Variants in LIMS1 observed in about 807,000 individuals in gnomAD.
LIMS1 encodes LIM zinc finger domain containing 1.
A neutral mutation model predicts 44.1 loss-of-function variants in LIMS1; 18 were observed. The ratio of observed to expected loss-of-function variants is 0.41; its 90% CI spans 0.28 to 0.61. The LOEUF (loss-of-function observed/expected upper bound fraction) is 0.61, where lower values mean the gene tolerates loss of function less well. LIMS1 is among the 20% of genes least tolerant of loss of function. LIMS1 has a pLI of 0.32. For synonymous variants in LIMS1, 93 were observed against 149.1 expected (o/e 0.62, Z 2.74); for missense variants, 201 against 422.0 (o/e 0.48, Z 4.59).
chr2:108,595,107 A>G (rs1294981484), intron 1 of LIMS1, among the ~76,000 whole-genome samples: 1 of 152,156 alleles, frequency 6.6e-6, no homozygotes, highest in Non-Finnish European at 1.5e-5. Context: ...ATTTATGGAG[A>G]GCAGTAAGGT....
At chr2:108,576,022 G>A (rs888127226) in intron 1 of LIMS1, among the ~76,000 whole-genome samples, 4 of 152,176 alleles carry the variant, frequency 2.6e-5, no homozygotes, top group Non-Finnish European at 5.9e-5. Context: ...GAAAGGCCTG[G>A]TCTTCATGTC....
intron 1 of LIMS1, among the ~76,000 whole-genome samples, chr2:108,605,222 G>GCACA (rs1001198656): frequency 4.6e-5 from 7 of 152,180 alleles, no homozygotes; most frequent in African/African-American, 1.7e-4. Flanking sequence ...GGTGTGAGCA[G>GCACA]CACAGCCCAG....
intron 1 of LIMS1, among the ~76,000 whole-genome samples, chr2:108,642,802 C>T (rs1689793993): frequency 6.6e-6 from 1 of 152,116 alleles, no homozygotes; most frequent in South Asian, 2.1e-4. Context: ...TTGTATTTGG[C>T]CATGGCTTAT....
At chr2:108,623,055 A>G (rs1688346097) in intron 1 of LIMS1, among the ~76,000 whole-genome samples, 2 of 151,634 alleles carry the variant, frequency 1.3e-5, no homozygotes, top group Non-Finnish European at 2.9e-5. Context: ...AGTTGTTTAA[A>G]GAGAAATATT....
At chr2:108,562,796 C>G (rs559132150) in intron 1 of LIMS1, among the ~76,000 whole-genome samples, 6 of 152,258 alleles carry the variant, frequency 3.9e-5, no homozygotes, top group Admixed American at 1.3e-4. Flanking sequence ...TCAGTGTAGA[C>G]AAAATAGCCT....
intron 1 of LIMS1, among the ~76,000 whole-genome samples, chr2:108,561,496 G>T (rs1178187283): frequency 1.3e-5 from 2 of 152,202 alleles, no homozygotes; most frequent in South Asian, 2.1e-4. Flanking sequence ...AGGGGTGGGG[G>T]TGTATGCATC....
At chr2:108,546,922 A>G (rs1684501525) in intron 1 of LIMS1, among the ~76,000 whole-genome samples, 1 of 152,196 alleles carries the variant, frequency 6.6e-6, no homozygotes, top group Admixed American at 6.5e-5. Context: ...CTTTTCAGTA[A>G]TGGTCTCCCT....
chr2:108,566,885 C>T (rs142840209), intron 1 of LIMS1, among the ~76,000 whole-genome samples: 15 of 152,290 alleles, frequency 9.8e-5, no homozygotes, highest in Non-Finnish European at 1.5e-4. Flanking sequence ...GTGTGAGCTA[C>T]TGCACCTGGC....
At chr2:108,590,082 G>T (rs1002663086) in intron 1 of LIMS1, among the ~76,000 whole-genome samples, 4 of 152,204 alleles carry the variant, frequency 2.6e-5, no homozygotes, top group Non-Finnish European at 5.9e-5. Flanking sequence ...ACCCACAGAA[G>T]AATCTTTTGC....
At chr2:108,571,159 CAG>C (rs1685467034) in intron 1 of LIMS1, among the ~76,000 whole-genome samples, 1 of 152,136 alleles carries the variant, frequency 6.6e-6, no homozygotes, top group East Asian at 1.9e-4. Flanking sequence ...GTAGAGAAGA[CAG>C]AGTGTTTATA....
intron 1 of LIMS1, among the ~76,000 whole-genome samples, chr2:108,628,774 T>G (rs1435036505): frequency 6.6e-6 from 1 of 152,160 alleles, no homozygotes; most frequent in Non-Finnish European, 1.5e-5. Flanking sequence ...CTCAGTGCAT[T>G]AATTTTTGAA....
At chr2:108,535,911 A>G (rs1281941170) in intron 1 of LIMS1, among the ~76,000 whole-genome samples, 3 of 152,206 alleles carry the variant, frequency 2.0e-5, no homozygotes, top group African/African-American at 4.8e-5. Context: ...TCATCGCTCT[A>G]TTACAGAAGT....
intron 1 of LIMS1, among the ~76,000 whole-genome samples, chr2:108,553,335 C>T (rs1436995937): frequency 2.0e-5 from 3 of 152,130 alleles, no homozygotes; most frequent in Admixed American, 6.6e-5. Context: ...CATTGCTCCA[C>T]GATTGAAGCA....
rs1684795275 is a variant in LIMS1 at position 108,552,592 on chromosome 2, G to GTGTGTGTGTGTGTGTA, written c.32+18013_32+18014insATGTGTGTGTGTGTGT. ...GTATATATATATATTTTGGGTGTGT[G>GTGTGTGTGTGTGTGTA]TGTGTGTGTGTGTGTGTGTGTTTTT... is the stretch of plus-strand genomic sequence containing the variant. On this transcript the variant is annotated intron_variant, in intron 1 of 9. Coordinates refer to ENST00000544547, the Ensembl canonical transcript of LIMS1. 3.2e-5 allele frequency among the ~76,000 whole-genome samples: 4 copies of GTGTGTGTGTGTGTGTA among 125,418 alleles called. No individual in the cohort carries two copies. In the South Asian group the frequency reaches 8.2e-4, roughly 26 times the overall value. The allele number at this position is 125,418 out of a possible 152,430, so 82.3% of individuals were successfully genotyped here.
chr2:108,681,728 C>G (rs1693009193), intron 9 of LIMS1: 1 of 303,724 alleles, frequency 3.3e-6, no homozygotes, highest in Middle Eastern at 1.6e-3. Context: ...TGAGACCAGC[C>G]TGGACTACAT....
At chr2:108,599,895 A>G (rs1225274495) in intron 1 of LIMS1, among the ~76,000 whole-genome samples, 8 of 151,644 alleles carry the variant, frequency 5.3e-5, no homozygotes, top group Non-Finnish European at 1.0e-4. Flanking sequence ...TTTTTTTACT[A>G]TAGAGTTGTT....
chr2:108,611,334 A>G (rs776173402), intron 1 of LIMS1, among the ~76,000 whole-genome samples: 1 of 152,234 alleles, frequency 6.6e-6, no homozygotes, highest in African/African-American at 2.4e-5. Flanking sequence ...CAATACATCT[A>G]GCTCTTGACC....
At chr2:108,576,709 G>A (rs1231929949) in intron 1 of LIMS1, among the ~76,000 whole-genome samples, 1 of 152,090 alleles carries the variant, frequency 6.6e-6, no homozygotes, top group African/African-American at 2.4e-5. Flanking sequence ...ACAAGTTAAA[G>A]TGCCCTTTAG....
chr2:108,638,146 C>T (rs1322454327), intron 1 of LIMS1, among the ~76,000 whole-genome samples: 4 of 152,002 alleles, frequency 2.6e-5, no homozygotes, highest in Non-Finnish European at 5.9e-5. Flanking sequence ...ATGCCCAGCC[C>T]AAGAATGTTT....
Sources: gnomAD v4.1 joint callset for allele counts (sites outside exome capture counted in the v4.1 genomes callset) on GRCh38, gnomAD v4.1.1 for gene constraint, MANE v1.5 for transcripts, NCBI Gene and HGNC (gene_info 2026-07-23, HGNC 2026-07-21) for gene names.